GPC6: variants seen among roughly 807,000 people sequenced by gnomAD.
GPC6 encodes glypican-6.
Under a neutral mutation model 55.2 loss-of-function variants are expected in GPC6, and 14 were observed. The observed-to-expected ratio is 0.25, with a 90% CI of 0.17 to 0.40. The LOEUF is 0.40. Among genes scored for constraint, GPC6 ranks in the 10% least tolerant of loss-of-function variants. GPC6 has a pLI of 1.00. For missense variants in GPC6, 641 were observed against 708.5 expected (o/e 0.90, Z 1.08); for synonymous variants, 278 against 259.6 (o/e 1.07, Z -0.68).
intron 2 of GPC6, among the ~76,000 whole-genome samples, chr13:93,823,301 T>A (rs1396189791): frequency 6.6e-6 from 1 of 152,186 alleles, no homozygotes; most frequent in Non-Finnish European, 1.5e-5. Context: ...TCTGAAAATT[T>A]GACTTAGGAT....
At chr13:93,553,125 G>A (rs551148743) in intron 2 of GPC6, among the ~76,000 whole-genome samples, 1 of 152,254 alleles carries the variant, frequency 6.6e-6, no homozygotes, top group South Asian at 2.1e-4. Context: ...GGGAAATGGA[G>A]TAGAAACCAC....
chr13:93,973,110 C>T (rs1468156201), intron 3 of GPC6, among the ~76,000 whole-genome samples: 1 of 152,114 alleles, frequency 6.6e-6, no homozygotes, highest in African/African-American at 2.4e-5. Flanking sequence ...TGATTTTGTC[C>T]TTGTGTAAAC....
At chr13:94,317,091 C>G (rs1210830773) in intron 6 of GPC6, among the ~76,000 whole-genome samples, 29 of 152,180 alleles carry the variant, frequency 1.9e-4, no homozygotes, top group Non-Finnish European at 7.4e-5. Flanking sequence ...TGGCTGACAG[C>G]AACAGCAAAC....
At chr13:93,988,773 G>A (rs1424048070) in intron 3 of GPC6, among the ~76,000 whole-genome samples, 2 of 152,034 alleles carry the variant, frequency 1.3e-5, no homozygotes, top group Admixed American at 6.6e-5. Flanking sequence ...TGGGGATTAC[G>A]GGGGACACAA....
At chr13:93,437,532 C>T (rs966634721) in intron 1 of GPC6, among the ~76,000 whole-genome samples, 14 of 152,154 alleles carry the variant, frequency 9.2e-5, no homozygotes, top group South Asian at 2.1e-4. Flanking sequence ...TCTGGATAGA[C>T]GATCAAACCA....
chr13:93,681,421 G>A (rs1171646948), intron 2 of GPC6, among the ~76,000 whole-genome samples: 2 of 151,988 alleles, frequency 1.3e-5, no homozygotes, highest in Non-Finnish European at 2.9e-5. Flanking sequence ...ATGGGATTTG[G>A]GGGTATATGT....
At chr13:93,255,168 C>T (rs554432767) in intron 1 of GPC6, among the ~76,000 whole-genome samples, 6 of 152,252 alleles carry the variant, frequency 3.9e-5, no homozygotes, top group Non-Finnish European at 5.9e-5. Flanking sequence ...GGAAAGAAAA[C>T]GTAATGATTA....
intron 4 of GPC6, among the ~76,000 whole-genome samples, chr13:94,138,750 GT>G: frequency 6.6e-6 from 1 of 152,178 alleles, no homozygotes; most frequent in South Asian, 2.1e-4. Flanking sequence ...TGCACTACGG[GT>G]AGCACAGCCA....
intron 4 of GPC6, among the ~76,000 whole-genome samples, chr13:94,141,271 G>T (rs1160900831): frequency 1.3e-5 from 2 of 152,280 alleles, no homozygotes; most frequent in South Asian, 2.1e-4. Context: ...TTAATTTGCA[G>T]TTGGTTAAAG....
At chr13:93,641,258 G>A (rs1274284074) in intron 2 of GPC6, among the ~76,000 whole-genome samples, 1 of 133,300 alleles carries the variant, frequency 7.5e-6, no homozygotes, top group African/African-American at 2.7e-5. Context: ...ACTTTTAGAA[G>A]AAGCCATCAT....
At chr13:93,308,818 A>G (rs1423775606) in intron 1 of GPC6, among the ~76,000 whole-genome samples, 2 of 152,212 alleles carry the variant, frequency 1.3e-5, no homozygotes, top group African/African-American at 4.8e-5. Flanking sequence ...TTTTATGGCT[A>G]AGAAAATATT....
intron 3 of GPC6, among the ~76,000 whole-genome samples, chr13:93,834,998 G>A (rs1477173234): frequency 6.6e-6 from 1 of 152,166 alleles, no homozygotes; most frequent in Non-Finnish European, 1.5e-5. Context: ...CACTCTGAAG[G>A]CTTGTCAGAC....
At chr13:93,742,239 A>C (rs1188659545) in intron 2 of GPC6, among the ~76,000 whole-genome samples, 1 of 152,194 alleles carries the variant, frequency 6.6e-6, no homozygotes, top group Non-Finnish European at 1.5e-5. Flanking sequence ...ATTCCATGTA[A>C]AGTGTGCCAA....
At chr13:93,399,532 T>C (rs1232921094) in intron 1 of GPC6, among the ~76,000 whole-genome samples, 1 of 152,226 alleles carries the variant, frequency 6.6e-6, no homozygotes, top group African/African-American at 2.4e-5. Context: ...TTATTAATAT[T>C]TCCTACGCAT....
chr13:94,389,933 G>A (rs1190105465), intron 7 of GPC6, among the ~76,000 whole-genome samples: 1 of 152,150 alleles, frequency 6.6e-6, no homozygotes, highest in Non-Finnish European at 1.5e-5. Flanking sequence ...AAAATTAATC[G>A]GACCCGTTGG....
At chr13:93,603,432 T>C (rs1461351429) in intron 2 of GPC6, among the ~76,000 whole-genome samples, 1 of 152,244 alleles carries the variant, frequency 6.6e-6, no homozygotes. Flanking sequence ...ATTTAATACA[T>C]TTGGTACATA....
intron 2 of GPC6, among the ~76,000 whole-genome samples, chr13:93,791,415 G>T (rs1044993461): frequency 6.6e-6 from 1 of 152,110 alleles, no homozygotes; most frequent in East Asian, 1.9e-4. Context: ...AATTGAAATA[G>T]TATGTAGGCC....
At chr13:94,113,513 G>A (rs1886321894) in intron 4 of GPC6, among the ~76,000 whole-genome samples, 1 of 152,062 alleles carries the variant, frequency 6.6e-6, no homozygotes, top group Non-Finnish European at 1.5e-5. Flanking sequence ...ACAATATGCA[G>A]CATTGTGAAG....
intron 6 of GPC6, among the ~76,000 whole-genome samples, chr13:94,373,864 TCTCGGCAGAAA>T: frequency 6.6e-6 from 1 of 152,162 alleles, no homozygotes; most frequent in African/African-American, 2.4e-5. Context: ...ACAGCGGATC[TCTCGGCAGAAA>T]CCCTACAAGC....
Sources: allele counts gnomAD v4.1 joint callset (sites outside exome capture counted in the v4.1 genomes callset), GRCh38; gene constraint gnomAD v4.1.1; transcripts MANE v1.5; gene names NCBI Gene and HGNC (gene_info 2026-07-23, HGNC 2026-07-21).